The following CSMD2 variants were observed in gnomAD, a reference collection of about 807,000 sequenced individuals.
CSMD2 encodes the protein CUB and Sushi multiple domains 2, also known as CUB and sushi domain-containing protein 2.
CSMD2 carries 130 observed loss-of-function variants against 398.5 expected under a neutral mutation model. The observed-to-expected ratio is 0.33, with a 90% CI of 0.28 to 0.38. The LOEUF (loss-of-function observed/expected upper bound fraction) is 0.38, where lower values mean the gene tolerates loss of function less well. Ranked by LOEUF, CSMD2 falls within the 10% of genes least tolerant of loss-of-function variation. The pLI, the probability that CSMD2 is intolerant of heterozygous loss-of-function variation, is 1.00. For missense variants in CSMD2, 3,829 were observed against 4,764.9 expected (o/e 0.80, Z 5.78); for synonymous variants, 1,828 against 1,908.5 (o/e 0.96, Z 1.10).
At chr1:33,989,661 T>C (rs1646482500) in intron 3 of CSMD2, among the ~76,000 whole-genome samples, 1 of 152,122 alleles carries the variant, frequency 6.6e-6, no homozygotes, top group Non-Finnish European at 1.5e-5. Context: ...AAAAAATGAA[T>C]GAACTCCTGA....
intron 3 of CSMD2, among the ~76,000 whole-genome samples, chr1:33,980,750 C>T (rs1646136555): frequency 6.6e-6 from 1 of 152,116 alleles, no homozygotes; most frequent in Admixed American, 6.5e-5. Context: ...CATCAGAAAG[C>T]CCAACAAGTA....
At chr1:33,622,772 G>A (rs543468727) in intron 36 of CSMD2, among the ~76,000 whole-genome samples, 2 of 152,296 alleles carry the variant, frequency 1.3e-5, no homozygotes, top group East Asian at 3.9e-4. Flanking sequence ...TTGGAAAACA[G>A]GAAGTTCCTC....
At chr1:33,951,047 C>T (rs762077724) in intron 3 of CSMD2, among the ~76,000 whole-genome samples, 3 of 152,172 alleles carry the variant, frequency 2.0e-5, no homozygotes, top group Non-Finnish European at 4.4e-5. Context: ...TTTCTCTTTC[C>T]CCTTGGTCCT....
At chr1:34,011,478 A>C (rs1647315294) in intron 3 of CSMD2, among the ~76,000 whole-genome samples, 1 of 152,176 alleles carries the variant, frequency 6.6e-6, no homozygotes, top group Non-Finnish European at 1.5e-5. Context: ...TGCCTAAGAG[A>C]GTCCATTCTT....
chr1:33,852,231 T>G (rs901408330), intron 5 of CSMD2, among the ~76,000 whole-genome samples: 2 of 152,212 alleles, frequency 1.3e-5, no homozygotes, highest in African/African-American at 4.8e-5. Context: ...TCACCTGGAC[T>G]ACAGAGATGG....
intron 41 of CSMD2, among the ~76,000 whole-genome samples, chr1:33,608,472 C>T (rs1640780239): frequency 6.6e-6 from 1 of 152,116 alleles, no homozygotes; most frequent in South Asian, 2.1e-4. Flanking sequence ...GTGCAAGGGG[C>T]TGAAATATGT....
intron 1 of CSMD2, among the ~76,000 whole-genome samples, chr1:34,134,069 A>C (rs865788912): frequency 0.011 from 1,636 of 151,284 alleles, 38 homozygotes; most frequent in African/African-American, 0.038. Context: ...AAAAAAAAAA[A>C]AAAAAAAAAT....
chr1:33,903,124 C>T (rs985622309), intron 5 of CSMD2, among the ~76,000 whole-genome samples: 1 of 152,110 alleles, frequency 6.6e-6, no homozygotes, highest in Non-Finnish European at 1.5e-5. Context: ...GCCTCACAGA[C>T]CAAAACTCTC....
rs113975083 is a variant in CSMD2, at chr1:33,941,331, T to A, written c.518-5377A>T. ...TAATTTGAGACTTTGGTTCCCTTAT[T>A]ATAATGAAGAGTCATTTATGCTCTC... On this transcript the variant is annotated intron_variant, in intron 3 of 70. Coordinates refer to ENST00000373381, the MANE Select transcript of CSMD2 (RefSeq NM_001281956.2). Among the ~76,000 whole-genome samples the A allele has an allele frequency of 4.1e-4, 62 of 152,340 alleles. 1 individual carries two copies. The highest frequency in any genetic ancestry group is 1.1e-3 in the African/African-American group (44 of 41,582).
At chr1:33,781,354 T>G (rs1309864194) in intron 12 of CSMD2, among the ~76,000 whole-genome samples, 1 of 152,248 alleles carries the variant, frequency 6.6e-6, no homozygotes, top group Non-Finnish European at 1.5e-5. Context: ...CTCCTTTGTA[T>G]TTCCCTGTCT....
At chr1:33,742,894 C>T (rs1005431004) in intron 14 of CSMD2, among the ~76,000 whole-genome samples, 23 of 152,320 alleles carry the variant, frequency 1.5e-4, no homozygotes, top group African/African-American at 5.5e-4. Context: ...TTTCGGAGAG[C>T]ACCTCAGAGA....
intron 37 of CSMD2, among the ~76,000 whole-genome samples, chr1:33,618,019 C>CAGAGAGACAGAGACAG (rs1553156510): frequency 6.6e-6 from 1 of 151,514 alleles, no homozygotes; most frequent in Non-Finnish European, 1.5e-5. Flanking sequence ...TGGGCTAAGA[C>CAGAGAGACAGAGACAG]AGAGAGACAG....
chr1:34,052,497 G>GTT (rs1474583305), intron 2 of CSMD2, among the ~76,000 whole-genome samples: 2 of 121,634 alleles, frequency 1.6e-5, no homozygotes, highest in Non-Finnish European at 3.7e-5. Flanking sequence ...TGGGACAACT[G>GTT]TGTGTGTGTG....
chr1:33,602,286 C>A, intron 43 of CSMD2, 83 bp downstream of exon 43: 1 of 1,478,542 alleles, frequency 6.8e-7, no homozygotes, highest in South Asian at 1.2e-5. Context: ...TTTTCTAAAC[C>A]AATAGGTAAC....
rs142285838 is a variant in CSMD2 at position 34,012,576 on chromosome 1, T to C, written c.517+20018A>G. ...CCTGCCTCAACCTCCTGAGTAGCTG[T>C]GACTACAGGCATGCACCACCACGCC... On this transcript the variant is annotated intron_variant, in intron 3 of 70. Transcript: ENST00000373381. 1.5e-3 allele frequency among the ~76,000 whole-genome samples: 223 copies of C among 152,120 alleles called. 1 individual carries two copies. Among genetic ancestry groups the C allele is most frequent in the Non-Finnish European group, 2.7e-3 (186 of 67,976 alleles).
At position 33,846,963 on chromosome 1, in the gene CSMD2, G is replaced by A. The variant is rs377267957; in HGVS notation, c.954C>T (p.Ile318=). Residue 318 remains isoleucine (I), a synonymous_variant, in exon 6 of 71, where the codon ATC becomes ATT. Coordinates refer to ENST00000373381, the MANE Select transcript of CSMD2 (RefSeq NM_001281956.2). ...FTGASLPAPV[I]SSKNWLRLHF... Reference sequence around the variant, plus strand: ...GCAGTCGCAGCCAGTTCTTGCTGCTGATAACGGGGGCTGGGAGGCTGGCTC... The same window carrying A: ...GCAGTCGCAGCCAGTTCTTGCTGCTAATAACGGGGGCTGGGAGGCTGGCTC... The A allele has an allele frequency of 6.2e-7, 1 of 1,610,712 alleles. No individual in the cohort carries two copies. The highest frequency in any genetic ancestry group is 8.5e-7 in the Non-Finnish European group (1 of 1,178,342).
chr1:33,671,807 T>C (rs1413815000), intron 25 of CSMD2, among the ~76,000 whole-genome samples: 1 of 152,212 alleles, frequency 6.6e-6, no homozygotes, highest in East Asian at 1.9e-4. Flanking sequence ...GGCCCGTCCC[T>C]CTCAAGTGCT....
In CSMD2 at chr1:33,587,155, G is replaced by C. The variant is rs1356182072; in HGVS notation, c.6870C>G (p.Thr2290=). 1 of 1,609,362 alleles carries C rather than the reference G, an allele frequency of 6.2e-7. No homozygotes were observed. ...FAIAFSAYPL[T]KCPPPTILPN... is the part of the protein sequence containing the mutation. ...GGAGGATGGTGGGAGGAGGGCATTT[G>C]GTGAGTGGATAAGCTGAAAAGATAA... Residue 2290 remains threonine (T), a synonymous_variant, in exon 45 of 71, where the codon ACC becomes ACG. Coordinates refer to ENST00000373381, the MANE Select transcript of CSMD2 (RefSeq NM_001281956.2).
intron 44 of CSMD2, among the ~76,000 whole-genome samples, chr1:33,593,211 T>A (rs1165814916): frequency 3.9e-5 from 6 of 152,250 alleles, no homozygotes; most frequent in Non-Finnish European, 5.9e-5. Flanking sequence ...TCTTTGATTG[T>A]TACTGTTGTT....
Sources: allele counts gnomAD v4.1 joint callset (sites outside exome capture counted in the v4.1 genomes callset), GRCh38; gene constraint gnomAD v4.1.1; transcripts MANE v1.5; gene names NCBI Gene and HGNC (gene_info 2026-07-23, HGNC 2026-07-21).